The following KLHL21 variants were observed in gnomAD, a reference collection of about 807,000 sequenced individuals.
KLHL21 encodes the protein kelch-like protein 21.
In KLHL21, 42 loss-of-function variants were observed where a neutral mutation model predicts 44.1. The ratio of observed to expected loss-of-function variants is 0.95; its 90% confidence interval spans 0.74 to 1.23. The LOEUF (loss-of-function observed/expected upper bound fraction) is 1.23. Among genes scored for constraint, KLHL21 ranks in the 50% most tolerant of loss-of-function variants. The pLI, the probability that KLHL21 is intolerant of heterozygous loss-of-function variation, is 0.00. For missense variants in KLHL21, 918 were observed against 889.1 expected, an observed-to-expected ratio of 1.03 and a Z score of -0.41; for synonymous variants, 524 against 411.6, an observed-to-expected ratio of 1.27 and a Z score of -3.31.
intron 1 of KLHL21, among the ~76,000 whole-genome samples, chr1:6,600,353 A>G (rs1640998873): frequency 6.6e-6 from 1 of 152,104 alleles, no homozygotes; most frequent in South Asian, 2.1e-4. Flanking sequence ...CGTATTTTCA[A>G]TTTCAATAAA....
Position 6,593,219 on chromosome 1 carries a change from G to C in KLHL21, c.*146C>G. On this transcript the variant is annotated 3_prime_UTR_variant, in exon 4 of 4. Transcript: ENST00000377658. ...GCTCTCAAGGTACAGAAACCTTCCA[G>C]GTAATGGATCCTGGGCTGGCTTCGC... The C allele has an allele frequency of 4.8e-6, 4 of 825,958 alleles. No individual in the cohort carries two copies. The highest frequency in any genetic ancestry group is 2.9e-5 in the Admixed American group (1 of 34,524). The allele number at this position is 825,958 out of a possible 1,614,324, so 51.2% of individuals were successfully genotyped here. A position where few individuals can be genotyped will look rare whatever the true frequency, so the allele number is the denominator to read the frequency against.
rs746649249 is a variant in KLHL21, at chr1:6,593,468, G to A, written c.1691C>T (p.Pro564Leu). The part of the protein sequence containing the change: ...GSVSIFRQFM[P>L]QTFSGGRGFE... ...GCCACGCCCACCCGAGAAGGTCTGG[G>A]GCATGAACTGGCGGAAGATGCTGAC... Residue 564 changes from proline (P) to leucine (L), a missense_variant, in exon 4 of 4, where the codon CCC (proline) becomes CTC (leucine). Physicochemically the swap from Pro to Leu is moderately conservative, Grantham distance 98 (BLOSUM62 -3). Coordinates refer to ENST00000377658, the MANE Select transcript of KLHL21 (RefSeq NM_014851.4). 34 of 1,613,692 alleles carry A rather than the reference G, an allele frequency of 2.1e-5. No individual in the cohort carries two copies. The South Asian group carries it at 3.3e-4, about 16-fold the overall frequency.
chr1:6,602,862 G>C lies in KLHL21; in HGVS notation c.-45C>G. On this transcript the variant is annotated 5_prime_UTR_variant, in exon 1 of 4. Coordinates refer to ENST00000377658, the MANE Select transcript of KLHL21 (RefSeq NM_014851.4). The stretch of plus-strand genomic sequence containing the variant: ...CGAGGACGCCGCGGCCGGGGCCTGC[G>C]GAGAGACGCGGCGCGCTAGGCACCG... 1 of 1,377,260 alleles carries C rather than the reference G, an allele frequency of 7.3e-7. No homozygotes were observed. Among genetic ancestry groups the C allele is most frequent in the Middle Eastern group, 2.6e-4 (1 of 3,888 alleles). 85.3% of individuals were successfully genotyped at this position (1,377,260 alleles called of 1,614,324 possible). A position where few individuals can be genotyped will look rare whatever the true frequency, so the allele number is the denominator to read the frequency against.
At chr1:6,598,588 ACAAAAAAAAACAGAC>A (rs1640960546) in intron 2 of KLHL21, among the ~76,000 whole-genome samples, 1 of 150,928 alleles carries the variant, frequency 6.6e-6, no homozygotes, top group Non-Finnish European at 1.5e-5. Context: ...ACAAAACAAA[ACAAAAAAAAACAGAC>A]CGGGTGCAGT....
At position 6,592,916 on chromosome 1, in the gene KLHL21, A is replaced by G. The variant is rs1258659718; in HGVS notation, c.*449T>C. The G allele has an allele frequency of 1.2e-5, 2 of 161,618 alleles. No individual in the cohort carries two copies. Among genetic ancestry groups the G allele is most frequent in the African/African-American group, 4.8e-5 (2 of 41,936 alleles). The allele number at this position is 161,618 out of a possible 1,614,324, so 10.0% of individuals were successfully genotyped here. A position where few individuals can be genotyped will look rare whatever the true frequency, so the allele number is the denominator to read the frequency against. ...CTCTGGACATGGAATTTGGGACCCC[A>G]CTTCAGCCCGTCTGCCTGGTCCGCT... On this transcript the variant is annotated 3_prime_UTR_variant, in exon 4 of 4. Transcript: ENST00000377658.
intron 2 of KLHL21, among the ~76,000 whole-genome samples, chr1:6,598,662 C>G (rs190377613): frequency 6.6e-6 from 1 of 152,138 alleles, no homozygotes; most frequent in Admixed American, 6.5e-5. Flanking sequence ...GCGGACCGAT[C>G]ATGAGGTCAG....
rs1243104627 is a variant in KLHL21 at position 6,602,032 on chromosome 1, C to A, written c.786G>T (p.Ala262=). 2.0e-6 allele frequency: 3 copies of A among 1,529,710 alleles called. No homozygotes were observed. The highest frequency in any genetic ancestry group is 2.8e-5 in the African/African-American group (2 of 70,966). The allele number at this position is 1,529,710 out of a possible 1,614,324, so 94.8% of individuals were successfully genotyped here. Residue 262 remains alanine, a synonymous_variant, in exon 1 of 4, where the codon GCG becomes GCT. Transcript: ENST00000377658. ...CGCGGTCGTGGCGGTCGTAGCGCGC[C>A]GCCTGGAAGTCGCGCGCCTCGCGCA... ...RLLREARDFQ[A]ARYDRHDRGP...
intron 2 of KLHL21, among the ~76,000 whole-genome samples, chr1:6,595,844 C>G (rs1416984023): frequency 2.0e-5 from 3 of 152,176 alleles, no homozygotes; most frequent in Non-Finnish European, 4.4e-5. Flanking sequence ...TCCCCATCAC[C>G]CAGTACCAAG....
In KLHL21 at chr1:6,593,323, G is replaced by A. The variant is rs1317426579; in HGVS notation, c.*42C>T. On this transcript the variant is annotated 3_prime_UTR_variant, in exon 4 of 4. Transcript: ENST00000377658. The stretch of plus-strand genomic sequence containing the variant: ...GAGTGGGGCACTGCCCCGCAGAGGT[G>A]CCAGTTACCTGCACCGAGGCCCGTG... 4.6e-6 allele frequency: 7 copies of A among 1,521,888 alleles called. No homozygotes were observed. Among genetic ancestry groups the A allele is most frequent in the Middle Eastern group, 2.3e-4 (1 of 4,262 alleles). 94.3% of individuals were successfully genotyped at this position (1,521,888 alleles called of 1,614,324 possible). A position where few individuals can be genotyped will look rare whatever the true frequency, so the allele number is the denominator to read the frequency against.
chr1:6,602,256 C>G lies in KLHL21; in HGVS notation c.562G>C (p.Asp188His), dbSNP rs1268763835. The G allele has an allele frequency of 6.5e-7, 1 of 1,548,654 alleles. No individual in the cohort carries two copies. Among genetic ancestry groups the G allele is most frequent in the Non-Finnish European group, 8.7e-7 (1 of 1,154,462 alleles). ...TCCTCCTTGGGCACACACAGCCCGT[C>G]GTCCCGCAGGTAGCGCAGCAGGCGC... is the stretch of plus-strand genomic sequence containing the variant. Reference protein sequence around the residue: ...LARLLRYLRDDGLCVPKEEAA... With the variant: ...LARLLRYLRDHGLCVPKEEAA... The change falls in exon 1 of 4, where the codon GAC becomes CAC. Residue 188 changes from aspartate (D) to histidine (H), a missense_variant. Asp to His is a moderately conservative substitution (Grantham distance 81). Coordinates refer to ENST00000377658, the MANE Select transcript of KLHL21 (RefSeq NM_014851.4).
chr1:6,595,252 T>C, intron 3 of KLHL21: 1 of 624,986 alleles, frequency 1.6e-6, no homozygotes, highest in Non-Finnish European at 2.9e-6. Context: ...TCACAGCAGA[T>C]ACTCAATAAA....
chr1:6,591,121 G>A lies in KLHL21; in HGVS notation c.*2244C>T, dbSNP rs1489290670. On this transcript the variant is annotated 3_prime_UTR_variant, in exon 4 of 4. Coordinates refer to ENST00000377658, the MANE Select transcript of KLHL21 (RefSeq NM_014851.4). Reference sequence around the variant, plus strand: ...CACAGCAGAGGGAAACTGGGGAGAGGAGGGGGCCTGACCCTGGATCCCCCA... The same window carrying A: ...CACAGCAGAGGGAAACTGGGGAGAGAAGGGGGCCTGACCCTGGATCCCCCA... 5.0e-6 allele frequency: 2 copies of A among 397,960 alleles called. No homozygotes were observed. The highest frequency in any genetic ancestry group is 8.9e-6 in the Non-Finnish European group (2 of 225,798). 24.7% of individuals were successfully genotyped at this position (397,960 alleles called of 1,614,324 possible).
chr1:6,599,292 G>T lies in KLHL21; in HGVS notation c.1182C>A (p.Arg394=), dbSNP rs746528367. 30 of 1,613,934 alleles carry T rather than the reference G, an allele frequency of 1.9e-5. 1 individual carries two copies. In the South Asian group the frequency reaches 3.2e-4, roughly 17 times the overall value. ...LYVVAADSTE[R]YDHTTDSWEA... ...CCCAGGAGTCAGTGGTGTGGTCATA[G>T]CGCTCGGTGCTGTCGGCGGCCACCA... The change falls in exon 2 of 4, where the codon CGC becomes CGA. Residue 394 remains arginine (R), a synonymous_variant. Transcript: ENST00000377658.
In KLHL21 at chr1:6,602,486, C is replaced by T; in HGVS notation, c.332G>A (p.Arg111His). The T allele has an allele frequency of 6.4e-7, 1 of 1,555,610 alleles. No individual in the cohort carries two copies. Among genetic ancestry groups the T allele is most frequent in the Non-Finnish European group, 8.6e-7 (1 of 1,157,114 alleles). Residue 111 changes from arginine (R) to histidine (H), a missense_variant, in exon 1 of 4, where the codon CGC becomes CAC. Coordinates refer to ENST00000377658, the MANE Select transcript of KLHL21 (RefSeq NM_014851.4). ...CGGGAACTGCAGCAGGTCGGCGGCGCGCAGCAGCGGCTCAGCGTTGTCGCC... is the reference window on the plus strand; with the variant it reads ...CGGGAACTGCAGCAGGTCGGCGGCGTGCAGCAGCGGCTCAGCGTTGTCGCC... ...VSGDNAEPLL[R>H]AADLLQFPAV... is the part of the protein sequence containing the mutation.
chr1:6,598,625 G>A (rs540141558), intron 2 of KLHL21, among the ~76,000 whole-genome samples: 11 of 150,598 alleles, frequency 7.3e-5, no homozygotes, highest in South Asian at 2.1e-4. Flanking sequence ...GCTCACGCCC[G>A]TAATCCCAGC....
chr1:6,595,976 T>C (rs1211473067), intron 2 of KLHL21, among the ~76,000 whole-genome samples: 1 of 152,130 alleles, frequency 6.6e-6, no homozygotes, highest in African/African-American at 2.4e-5. Flanking sequence ...CCAATATCAC[T>C]ATGAGCCCCC....
At chr1:6,600,036 T>C (rs545058541) in intron 1 of KLHL21, among the ~76,000 whole-genome samples, 1 of 152,190 alleles carries the variant, frequency 6.6e-6, no homozygotes, top group African/African-American at 2.4e-5. Context: ...ATATATATTC[T>C]TCTGCCTGTA....
Position 6,602,770 on chromosome 1 carries a change from C to T in KLHL21, c.48G>A (p.Ala16=), listed in dbSNP as rs998648005. ...PLAVLPFSDP[A]HALSLLRGLS... ...GGCCGCGCAGCAGGCTCAGGGCGTGCGCGGGGTCCGAGAAGGGAAGCACGG... is the reference window on the plus strand; with the variant it reads ...GGCCGCGCAGCAGGCTCAGGGCGTGTGCGGGGTCCGAGAAGGGAAGCACGG... The change falls in exon 1 of 4, where the codon GCG becomes GCA. Residue 16 remains alanine (A), a synonymous_variant. Transcript: ENST00000377658. 20 of 1,487,488 alleles carry T rather than the reference C, an allele frequency of 1.3e-5. No homozygotes were observed. In the Middle Eastern group the frequency reaches 7.6e-4, roughly 56 times the overall value. The allele number at this position is 1,487,488 out of a possible 1,614,324, so 92.1% of individuals were successfully genotyped here. A position where few individuals can be genotyped will look rare whatever the true frequency, so the allele number is the denominator to read the frequency against.
At chr1:6,597,145 C>T (rs1640938708) in intron 2 of KLHL21, among the ~76,000 whole-genome samples, 1 of 152,232 alleles carries the variant, frequency 6.6e-6, no homozygotes, top group African/African-American at 2.4e-5. Context: ...AAGATGAACG[C>T]ATGCAGCCTT....
Sources: allele counts gnomAD v4.1 joint callset (sites outside exome capture counted in the v4.1 genomes callset), GRCh38; gene constraint gnomAD v4.1.1; transcripts MANE v1.5; gene names NCBI Gene and HGNC (gene_info 2026-07-23, HGNC 2026-07-21).